Variants in NALF1 observed in about 807,000 individuals in gnomAD.
NALF1 encodes the protein family with sequence similarity 155 member A.
In NALF1, 3 loss-of-function variants were observed where a neutral mutation model predicts 48.4. The ratio of observed to expected loss-of-function variants is 0.06; its 90% CI spans 0.03 to 0.16. The LOEUF (loss-of-function observed/expected upper bound fraction) is 0.16. Ranked by LOEUF, NALF1 falls within the 10% of genes least tolerant of loss-of-function variation. The pLI is 1.00. For missense variants in NALF1, 526 were observed against 571.5 expected, an observed-to-expected ratio of 0.92 and a Z score of 0.81; for synonymous variants, 262 against 245.7, an observed-to-expected ratio of 1.07 and a Z score of -0.62.
chr13:107,793,030 A>C (rs913524922), intron 1 of NALF1, among the ~76,000 whole-genome samples: 2 of 152,228 alleles, frequency 1.3e-5, no homozygotes, highest in Non-Finnish European at 2.9e-5. Context: ...TATGGACATC[A>C]GTGAGATTTG....
chr13:107,832,763 G>T (rs1034917514), intron 1 of NALF1, among the ~76,000 whole-genome samples: 2 of 152,008 alleles, frequency 1.3e-5, no homozygotes, highest in Non-Finnish European at 2.9e-5. Context: ...CCTCTGTCTC[G>T]CTAATTACAA....
intron 2 of NALF1, among the ~76,000 whole-genome samples, chr13:107,179,145 T>C (rs1448099229): frequency 2.6e-5 from 4 of 151,818 alleles, no homozygotes; most frequent in Non-Finnish European, 5.9e-5. Context: ...GTAGAGAAAA[T>C]GTGGTACATA....
intron 1 of NALF1, among the ~76,000 whole-genome samples, chr13:107,443,622 T>C (rs1884601786): frequency 6.6e-6 from 1 of 152,056 alleles, no homozygotes; most frequent in Non-Finnish European, 1.5e-5. Context: ...TTTTATTGAT[T>C]TGCAATTATG....
chr13:107,552,396 C>A (rs1294575940), intron 1 of NALF1, among the ~76,000 whole-genome samples: 2 of 152,082 alleles, frequency 1.3e-5, no homozygotes, highest in African/African-American at 4.8e-5. Flanking sequence ...ATGCATCGGG[C>A]AAATTGTGCA....
chr13:107,639,020 C>T (rs1880070993), intron 1 of NALF1, among the ~76,000 whole-genome samples: 1 of 152,190 alleles, frequency 6.6e-6, no homozygotes, highest in South Asian at 2.1e-4. Context: ...TAAAGAATTG[C>T]TGATTGATTA....
At chr13:107,300,279 C>T (rs1361870728) in intron 1 of NALF1, among the ~76,000 whole-genome samples, 1 of 152,212 alleles carries the variant, frequency 6.6e-6, no homozygotes, top group African/African-American at 2.4e-5. Flanking sequence ...TCTCTCATCT[C>T]TACTCAGTGA....
At chr13:107,712,421 T>A (rs751353251) in intron 1 of NALF1, among the ~76,000 whole-genome samples, 1 of 152,070 alleles carries the variant, frequency 6.6e-6, no homozygotes, top group Non-Finnish European at 1.5e-5. Flanking sequence ...AAAAAACACA[T>A]TAGATGTGAA....
At chr13:107,356,963 A>G (rs927496262) in intron 1 of NALF1, among the ~76,000 whole-genome samples, 1 of 152,196 alleles carries the variant, frequency 6.6e-6, no homozygotes, top group Admixed American at 6.5e-5. Flanking sequence ...TTACCATTCT[A>G]CTGTTGCAAC....
chr13:107,578,807 T>A (rs945529212), intron 1 of NALF1, among the ~76,000 whole-genome samples: 1 of 152,220 alleles, frequency 6.6e-6, no homozygotes, highest in African/African-American at 2.4e-5. Flanking sequence ...AACTATACTG[T>A]GTGTTGAAAA....
At position 107,703,811 on chromosome 13, in the gene NALF1, AC is replaced by A. The variant is rs111994294; in HGVS notation, c.915+161870del. ...CTCTCTTTCCTGCCCTGTCCGTGAAACCCCCTGTTCCCTACATTTCTTGCAT... is the reference window on the plus strand; with the variant it reads ...CTCTCTTTCCTGCCCTGTCCGTGAAACCCCTGTTCCCTACATTTCTTGCAT... On this transcript the variant is annotated intron_variant, in intron 1 of 2. Coordinates refer to ENST00000375915, the MANE Select transcript of NALF1 (RefSeq NM_001080396.3). Among the ~76,000 whole-genome samples, 38 of 151,486 alleles carry A rather than the reference AC, an allele frequency of 2.5e-4. No homozygotes were observed. In the East Asian group the frequency reaches 2.5e-3, roughly 10 times the overall value.
chr13:107,639,491 A>C (rs2138456850), intron 1 of NALF1, among the ~76,000 whole-genome samples: 1 of 152,204 alleles, frequency 6.6e-6, no homozygotes, highest in Non-Finnish European at 1.5e-5. Flanking sequence ...AAGTCAGCTA[A>C]ATTTGTGCTT....
intron 1 of NALF1, among the ~76,000 whole-genome samples, chr13:107,721,202 T>C (rs1247210800): frequency 1.3e-5 from 2 of 151,962 alleles, no homozygotes; most frequent in Non-Finnish European, 2.9e-5. Flanking sequence ...AGGACAGGAT[T>C]GTGAGTGCTC....
At chr13:107,834,570 G>T (rs1879835430) in intron 1 of NALF1, among the ~76,000 whole-genome samples, 1 of 152,164 alleles carries the variant, frequency 6.6e-6, no homozygotes, top group Non-Finnish European at 1.5e-5. Context: ...TAATTAAAAA[G>T]ATTCTGAATC....
chr13:107,798,469 T>A (rs927368957), intron 1 of NALF1, among the ~76,000 whole-genome samples: 6 of 152,216 alleles, frequency 3.9e-5, no homozygotes, highest in African/African-American at 1.4e-4. Flanking sequence ...GTAGCACAAT[T>A]ATTATCAATC....
chr13:107,333,298 C>T (rs1396658948), intron 1 of NALF1, among the ~76,000 whole-genome samples: 1 of 152,172 alleles, frequency 6.6e-6, no homozygotes, highest in Non-Finnish European at 1.5e-5. Context: ...TCACAGAATT[C>T]TTGGGCTTAG....
At chr13:107,178,907 TG>T (rs1288723179) in intron 2 of NALF1, among the ~76,000 whole-genome samples, 1 of 151,324 alleles carries the variant, frequency 6.6e-6, no homozygotes, top group Non-Finnish European at 1.5e-5. Context: ...ATCCCGCCAC[TG>T]CACTCCAGCC....
At chr13:107,447,937 G>A (rs1401827158) in intron 1 of NALF1, among the ~76,000 whole-genome samples, 1 of 152,190 alleles carries the variant, frequency 6.6e-6, no homozygotes, top group Non-Finnish European at 1.5e-5. Context: ...GCTGAAGTCA[G>A]AAACATTTAA....
chr13:107,721,113 CA>C (rs1875971574), intron 1 of NALF1, among the ~76,000 whole-genome samples: 2 of 13,036 alleles, frequency 1.5e-4, no homozygotes, highest in African/African-American at 4.4e-4. Context: ...TCTCAATACA[CA>C]CACACACACA....
chr13:107,286,570 G>C (rs1881496450), intron 1 of NALF1, among the ~76,000 whole-genome samples: 1 of 132,030 alleles, frequency 7.6e-6, no homozygotes, highest in Non-Finnish European at 1.6e-5. Context: ...CTGGGTGACA[G>C]AGTAAGACCC....
Sources: gnomAD v4.1 joint callset for allele counts (sites outside exome capture counted in the v4.1 genomes callset) on GRCh38, gnomAD v4.1.1 for gene constraint, MANE v1.5 for transcripts, NCBI Gene and HGNC (gene_info 2026-07-23, HGNC 2026-07-21) for gene names.